The following PRDM6 variants were observed in gnomAD, a reference collection of about 807,000 sequenced individuals.
The protein encoded by PRDM6 is PR/SET domain 6.
Under a neutral mutation model 60.8 loss-of-function variants are expected in PRDM6, and 25 were observed. That is an observed-to-expected ratio of 0.41 (90% CI 0.30 to 0.57). PRDM6 has a LOEUF of 0.57. Ranked by LOEUF, PRDM6 falls within the 20% of genes least tolerant of loss-of-function variation. PRDM6 has a pLI of 0.27. For missense variants in PRDM6, 839 were observed against 821.3 expected (o/e 1.02, Z -0.26); for synonymous variants, 407 against 357.4 (o/e 1.14, Z -1.57).
At chr5:123,121,478 G>T (rs1764580419) in intron 3 of PRDM6, among the ~76,000 whole-genome samples, 1 of 152,132 alleles carries the variant, frequency 6.6e-6, no homozygotes, top group Non-Finnish European at 1.5e-5. Flanking sequence ...AAACTCCTGG[G>T]CTCAAGTGAT....
intron 7 of PRDM6, among the ~76,000 whole-genome samples, chr5:123,185,480 C>T (rs538330783): frequency 2.0e-5 from 3 of 152,244 alleles, no homozygotes; most frequent in Admixed American, 6.5e-5. Flanking sequence ...TGCCCACGGA[C>T]GTTAATGAAT....
chr5:123,154,172 A>G (rs766970667), intron 3 of PRDM6, among the ~76,000 whole-genome samples: 2 of 152,234 alleles, frequency 1.3e-5, no homozygotes, highest in Non-Finnish European at 2.9e-5. Flanking sequence ...AAACCCCACA[A>G]CAACAAAAAC....
At position 123,090,355 on chromosome 5, in the gene PRDM6, CGCAGCTGCCGGTGTT is replaced by C; in HGVS notation, c.342_356del (p.Gln115_Phe119del). 6.8e-7 allele frequency: 1 copy of C among 1,473,906 alleles called. No homozygotes were observed. The highest frequency in any genetic ancestry group is 8.9e-7 in the Non-Finnish European group (1 of 1,117,650). The allele number at this position is 1,473,906 out of a possible 1,614,324, so 91.3% of individuals were successfully genotyped here. A position where few individuals can be genotyped will look rare whatever the true frequency, so the allele number is the denominator to read the frequency against. ...GCTGGTCTCTCGGCCCTGCCGGTGT[CGCAGCTGCCGGTGTT>C]CGCGCCTCTAGCCGCCGCTGCCGTC... On this transcript the variant is annotated inframe_deletion, in exon 2 of 8. Transcript: ENST00000407847.
intron 4 of PRDM6, among the ~76,000 whole-genome samples, chr5:123,159,008 T>C (rs1223701872): frequency 6.6e-6 from 1 of 152,196 alleles, no homozygotes; most frequent in African/African-American, 2.4e-5. Flanking sequence ...TATCAAACTT[T>C]AGAAGAGCAG....
intron 6 of PRDM6, among the ~76,000 whole-genome samples, chr5:123,179,648 C>T (rs185483141): frequency 6.6e-5 from 10 of 152,228 alleles, no homozygotes. Context: ...CCCGGGAGGA[C>T]AGTTTATCCT....
chr5:123,175,706 T>C (rs150760368), intron 6 of PRDM6, among the ~76,000 whole-genome samples: 1,679 of 152,282 alleles, frequency 0.011, 20 homozygotes, highest in African/African-American at 0.031. Context: ...CAAGGAGAGA[T>C]TGTGGCCCCA....
chr5:123,096,459 G>A (rs1373056016), intron 2 of PRDM6, among the ~76,000 whole-genome samples: 1 of 152,156 alleles, frequency 6.6e-6, no homozygotes, highest in Admixed American at 6.5e-5. Flanking sequence ...AAGCTACCCT[G>A]AGACTCAGAC....
chr5:123,103,311 A>G (rs971268989), intron 3 of PRDM6, among the ~76,000 whole-genome samples: 5 of 152,132 alleles, frequency 3.3e-5, no homozygotes, highest in Middle Eastern at 3.4e-3. Flanking sequence ...TTCTTTTAGA[A>G]TCAGAATTTT....
rs1019098674 is a variant in PRDM6 at position 123,193,791 on chromosome 5, A to C, written c.*6590A>C. ...TAGATGCTATTAGGACATTGTATACATTTCTTTAATGTGGTTATTTTAAGT... is the reference window on the plus strand; with the variant it reads ...TAGATGCTATTAGGACATTGTATACCTTTCTTTAATGTGGTTATTTTAAGT... On this transcript the variant is annotated 3_prime_UTR_variant, in exon 8 of 8. Coordinates refer to ENST00000407847, the MANE Select transcript of PRDM6 (RefSeq NM_001136239.4). The C allele has an allele frequency of 6.6e-6, 1 of 152,196 alleles. No homozygotes were observed. The highest frequency in any genetic ancestry group is 2.4e-5 in the African/African-American group (1 of 41,450). 9.4% of individuals were successfully genotyped at this position (152,196 alleles called of 1,614,324 possible). A position where few individuals can be genotyped will look rare whatever the true frequency, so the allele number is the denominator to read the frequency against.
chr5:123,188,186 C>A lies in PRDM6; in HGVS notation c.*985C>A, dbSNP rs1400720229. The A allele has an allele frequency of 6.6e-6, 1 of 152,058 alleles. No individual in the cohort carries two copies. Among genetic ancestry groups the A allele is most frequent in the African/African-American group, 2.4e-5 (1 of 41,392 alleles). 9.4% of individuals were successfully genotyped at this position (152,058 alleles called of 1,614,324 possible). On this transcript the variant is annotated 3_prime_UTR_variant, in exon 8 of 8. Coordinates refer to ENST00000407847, the MANE Select transcript of PRDM6 (RefSeq NM_001136239.4). ...TATCTTTCTTCCTCTTGCAGATGAA[C>A]CCCAGGAGCCCCCTTTCCTCTCTCC...
rs1237838211 is a variant in PRDM6 at position 123,189,304 on chromosome 5, A to C, written c.*2103A>C. On this transcript the variant is annotated 3_prime_UTR_variant, in exon 8 of 8. Coordinates refer to ENST00000407847, the MANE Select transcript of PRDM6 (RefSeq NM_001136239.4). ...TTGTTAAGGTTGAAAGATTTACTCA[A>C]ACTTTTTGAAAACAACAGTAGGGAA... 1 of 152,192 alleles carries C rather than the reference A, an allele frequency of 6.6e-6. No homozygotes were observed. Among genetic ancestry groups the C allele is most frequent in the African/African-American group, 2.4e-5 (1 of 41,448 alleles). The allele number at this position is 152,192 out of a possible 1,614,324, so 9.4% of individuals were successfully genotyped here.
intron 2 of PRDM6, among the ~76,000 whole-genome samples, chr5:123,094,500 T>A (rs1020884524): frequency 1.3e-5 from 2 of 151,776 alleles, no homozygotes; most frequent in Admixed American, 6.6e-5. Flanking sequence ...CACACATGAT[T>A]TAGCTATTTT....
intron 5 of PRDM6, among the ~76,000 whole-genome samples, chr5:123,169,633 C>G (rs1482615660): frequency 2.0e-5 from 3 of 152,188 alleles, no homozygotes; most frequent in African/African-American, 7.2e-5. Context: ...TATGTTATGT[C>G]ATTCAGTCCT....
chr5:123,127,086 G>A (rs1764709672), intron 3 of PRDM6, among the ~76,000 whole-genome samples: 1 of 151,288 alleles, frequency 6.6e-6, no homozygotes, highest in East Asian at 1.9e-4. Context: ...TGCCCAGGCT[G>A]GAGTGCAGTG....
At chr5:123,142,206 C>T (rs955451520) in intron 3 of PRDM6, among the ~76,000 whole-genome samples, 2 of 152,136 alleles carry the variant, frequency 1.3e-5, no homozygotes, top group Admixed American at 1.3e-4. Context: ...TGGGTTCCAA[C>T]AGTCAAGTAC....
chr5:123,123,640 C>A (rs552148494), intron 3 of PRDM6, among the ~76,000 whole-genome samples: 1 of 152,280 alleles, frequency 6.6e-6, no homozygotes, highest in Admixed American at 6.5e-5. Context: ...ATTTCTATTG[C>A]CTTTCGTTCT....
rs138619125 is a variant in PRDM6, at chr5:123,122,164, C to CAAAAA, written c.900+22221_900+22225dup. Among the ~76,000 whole-genome samples the CAAAAA allele has an allele frequency of 1.4e-3, 140 of 98,522 alleles. 4 individuals carry two copies. Among genetic ancestry groups the CAAAAA allele is most frequent in the South Asian group, 2.2e-3 (6 of 2,690 alleles). The allele number at this position is 98,522 out of a possible 152,430, so 64.6% of individuals were successfully genotyped here. Reference sequence around the variant, plus strand: ...GGCGACAGTGCGAGACTCCATCTGACAAAAAAAAAAAAAAAAAAAAAAGAA... The same window carrying CAAAAA: ...GGCGACAGTGCGAGACTCCATCTGACAAAAAAAAAAAAAAAAAAAAAAAAAAAGAA... On this transcript the variant is annotated intron_variant, in intron 3 of 7. Coordinates refer to ENST00000407847, the MANE Select transcript of PRDM6 (RefSeq NM_001136239.4).
intron 2 of PRDM6, among the ~76,000 whole-genome samples, chr5:123,098,939 C>T (rs1014498256): frequency 1.3e-5 from 2 of 151,794 alleles, no homozygotes; most frequent in African/African-American, 2.4e-5. Context: ...GCTGCGGCTC[C>T]TGCTCTACCG....
intron 5 of PRDM6, among the ~76,000 whole-genome samples, chr5:123,166,081 G>A (rs335211): frequency 0.52 from 79,337 of 151,944 alleles, 21,010 homozygotes; most frequent in African/African-American, 0.62. Context: ...CCTGCCTCCC[G>A]TCACCCCGTC....
Sources: allele counts gnomAD v4.1 joint callset (sites outside exome capture counted in the v4.1 genomes callset), GRCh38; gene constraint gnomAD v4.1.1; transcripts MANE v1.5; gene names NCBI Gene and HGNC (gene_info 2026-07-23, HGNC 2026-07-21).